SESTD1: variants seen among roughly 807,000 people sequenced by gnomAD.
SESTD1 encodes SEC14 domain and spectrin repeat-containing protein 1.
SESTD1 carries 43 observed loss-of-function variants against 101.7 expected under a neutral mutation model. The observed-to-expected ratio is 0.42, with a 90% confidence interval of 0.33 to 0.55. The LOEUF (loss-of-function observed/expected upper bound fraction) is 0.55. SESTD1 is among the 20% of genes least tolerant of loss of function. SESTD1 has a pLI of 0.07. For synonymous variants in SESTD1, 283 were observed against 286.8 expected (o/e 0.99, Z 0.13); for missense variants, 647 against 815.1 (o/e 0.79, Z 2.51).
intron 1 of SESTD1, among the ~76,000 whole-genome samples, chr2:179,231,745 T>TA (rs958786480): frequency 7.6e-5 from 11 of 144,678 alleles, no homozygotes; most frequent in Non-Finnish European, 1.7e-4. Flanking sequence ...TTAAAAAATT[T>TA]AAAAAAAAAG....
At chr2:179,180,713 T>A (rs2046093634) in intron 3 of SESTD1, among the ~76,000 whole-genome samples, 1 of 152,080 alleles carries the variant, frequency 6.6e-6, no homozygotes, top group Non-Finnish European at 1.5e-5. Flanking sequence ...TGTTGGGGGG[T>A]TACGTTTTAA....
At chr2:179,130,938 A>G (rs887927163) in intron 10 of SESTD1, among the ~76,000 whole-genome samples, 27 of 152,250 alleles carry the variant, frequency 1.8e-4, no homozygotes, top group African/African-American at 6.5e-4. Flanking sequence ...GGTTTGTAAT[A>G]TGATTATTTT....
intron 2 of SESTD1, among the ~76,000 whole-genome samples, chr2:179,190,745 C>T (rs887834535): frequency 1.3e-5 from 2 of 152,118 alleles, no homozygotes; most frequent in Non-Finnish European, 2.9e-5. Flanking sequence ...AGACATTTCT[C>T]AAAAGAAGAC....
chr2:179,131,407 G>A (rs111432424), intron 10 of SESTD1, among the ~76,000 whole-genome samples: 4,104 of 152,232 alleles, frequency 0.027, 84 homozygotes, highest in Admixed American at 0.035. Context: ...CATAATTAGA[G>A]GAAAGAAGAA....
intron 9 of SESTD1, among the ~76,000 whole-genome samples, chr2:179,134,217 T>C (rs751270812): frequency 6.6e-6 from 1 of 152,218 alleles, no homozygotes; most frequent in Non-Finnish European, 1.5e-5. Flanking sequence ...AGGGTTTTCA[T>C]ATGCTACTCC....
At chr2:179,252,931 T>G (rs1300308898) in intron 1 of SESTD1, among the ~76,000 whole-genome samples, 1 of 152,160 alleles carries the variant, frequency 6.6e-6, no homozygotes, top group Non-Finnish European at 1.5e-5. Context: ...TTTGCATATC[T>G]TCCTCCCTTC....
In SESTD1 at chr2:179,105,752, C is replaced by G. The variant is rs1248205958; in HGVS notation, c.*4147G>C. On this transcript the variant is annotated 3_prime_UTR_variant, in exon 18 of 18. Coordinates refer to ENST00000428443, the MANE Select transcript of SESTD1 (RefSeq NM_178123.5). ...TATTCTTGAAATTGGTATGACTTCT[C>G]TGTTTTACAGCCTGAGATAAATTCT... is the stretch of plus-strand genomic sequence containing the variant. 1.3e-5 allele frequency: 2 copies of G among 152,182 alleles called. No homozygotes were observed. The highest frequency in any genetic ancestry group is 4.8e-5 in the African/African-American group (2 of 41,446). The allele number at this position is 152,182 out of a possible 1,614,324, so 9.4% of individuals were successfully genotyped here.
chr2:179,113,524 G>T (rs2044557819), intron 16 of SESTD1, among the ~76,000 whole-genome samples: 1 of 152,082 alleles, frequency 6.6e-6, no homozygotes, highest in Non-Finnish European at 1.5e-5. Context: ...AAATTTGAGA[G>T]AGAGAATAAA....
At chr2:179,212,900 G>A (rs979691913) in intron 1 of SESTD1, among the ~76,000 whole-genome samples, 1 of 134,956 alleles carries the variant, frequency 7.4e-6, no homozygotes, top group Non-Finnish European at 1.6e-5. Context: ...CTGCAGCTGA[G>A]GGACCTGACT....
chr2:179,243,182 C>T lies in SESTD1; in HGVS notation c.-26+21317G>A, dbSNP rs368307800. ...GCAGCCAACAAACTTGAAAAAAATG[C>T]TCAATATCACTAGTCATCAGAGAAA... is the stretch of plus-strand genomic sequence containing the variant. On this transcript the variant is annotated intron_variant, in intron 1 of 17. Coordinates refer to ENST00000428443, the MANE Select transcript of SESTD1 (RefSeq NM_178123.5). Among the ~76,000 whole-genome samples, 13 of 152,096 alleles carry T rather than the reference C, an allele frequency of 8.5e-5. 1 individual carries two copies. In the East Asian group the frequency reaches 2.1e-3, roughly 25 times the overall value.
intron 1 of SESTD1, among the ~76,000 whole-genome samples, chr2:179,204,873 T>A (rs1224149218): frequency 4.5e-5 from 6 of 133,670 alleles, no homozygotes; most frequent in African/African-American, 1.8e-4. Context: ...CTATGGGATG[T>A]TCCCCCAGAA....
At chr2:179,229,749 T>TTATATATA (rs71023472) in intron 1 of SESTD1, among the ~76,000 whole-genome samples, 1,996 of 106,292 alleles carry the variant, frequency 0.019, 67 homozygotes, top group African/African-American at 0.054. Context: ...TTGTAAGAAC[T>TTATATATA]TATATATATA....
chr2:179,206,520 G>A lies in SESTD1; in HGVS notation c.-25-14654C>T, dbSNP rs1164497117. On this transcript the variant is annotated intron_variant, in intron 1 of 17. Transcript: ENST00000428443. ...TAGGCACTCCTGGTCCCCAGCATGA[G>A]CCCAGGGAAGCCATTCCTGACCTCA... Among the ~76,000 whole-genome samples the A allele has an allele frequency of 2.2e-5, 3 of 135,828 alleles. 1 individual carries two copies. The highest frequency in any genetic ancestry group is 8.7e-5 in the African/African-American group (3 of 34,450). 89.1% of individuals were successfully genotyped at this position (135,828 alleles called of 152,430 possible).
Position 179,183,139 on chromosome 2 carries a change from G to A in SESTD1, c.105C>T (p.Leu35=), listed in dbSNP as rs778871389. The change falls in exon 3 of 18, where the codon CTC becomes CTT. Residue 35 remains leucine (L), a synonymous_variant. Transcript: ENST00000428443. ...SGLILTIPLC[L]EQTNMDELSV... ...TCAGCTCATCCATATTTGTCTGTTC[G>A]AGGCATAATGGAATTGTCAAAATGA... is the stretch of plus-strand genomic sequence containing the variant. The A allele has an allele frequency of 6.2e-6, 10 of 1,611,816 alleles. No individual in the cohort carries two copies. The highest frequency in any genetic ancestry group is 5.0e-5 in the Admixed American group (3 of 59,674).
chr2:179,164,833 T>C lies in SESTD1; in HGVS notation c.369+7287A>G, dbSNP rs939943313. On this transcript the variant is annotated intron_variant, in intron 5 of 17. Transcript: ENST00000428443. ...CCACTGGGTGTATACTTGATGAGCA[T>C]TGTGGACAGCTGGTAATAAATCTTT... is the stretch of plus-strand genomic sequence containing the variant. 5.3e-5 allele frequency among the ~76,000 whole-genome samples: 8 copies of C among 152,218 alleles called. No homozygotes were observed. In the East Asian group the frequency reaches 5.8e-4, roughly 11 times the overall value.
At chr2:179,152,280 A>G (rs2045545727) in intron 5 of SESTD1, among the ~76,000 whole-genome samples, 1 of 152,204 alleles carries the variant, frequency 6.6e-6, no homozygotes, top group African/African-American at 2.4e-5. Context: ...GTTACAGGGA[A>G]ACCTGTAACT....
At chr2:179,231,718 TA>T (rs35589081) in intron 1 of SESTD1, among the ~76,000 whole-genome samples, 35,802 of 102,788 alleles carry the variant, frequency 0.35, 4,506 homozygotes, top group South Asian at 0.46. Flanking sequence ...ACCAAAAAGC[TA>T]AAAAAAAAAA....
intron 15 of SESTD1, 35 bp downstream of exon 15, chr2:179,116,633 G>C (rs776339439): frequency 1.2e-6 from 2 of 1,613,866 alleles, no homozygotes; most frequent in South Asian, 1.1e-5. Flanking sequence ...TTCAAACACT[G>C]AGCTTGTGGA....
chr2:179,224,662 G>T (rs781544673), intron 1 of SESTD1, among the ~76,000 whole-genome samples: 1 of 152,124 alleles, frequency 6.6e-6, no homozygotes, highest in Admixed American at 6.5e-5. Flanking sequence ...AAGGAAAGAA[G>T]AGCTGAAGGT....
Sources: allele counts gnomAD v4.1 joint callset (sites outside exome capture counted in the v4.1 genomes callset), GRCh38; gene constraint gnomAD v4.1.1; transcripts MANE v1.5; gene names NCBI Gene and HGNC (gene_info 2026-07-23, HGNC 2026-07-21).